The following FCHSD2 variants were observed in gnomAD, a reference collection of about 807,000 sequenced individuals.
The protein encoded by FCHSD2 is F-BAR and double SH3 domains protein 2.
Under a neutral mutation model 108.1 loss-of-function variants are expected in FCHSD2, and 38 were observed. The observed-to-expected ratio is 0.35, with a 90% CI of 0.27 to 0.46. The LOEUF (loss-of-function observed/expected upper bound fraction) is 0.46. Ranked by LOEUF, FCHSD2 falls within the 20% of genes least tolerant of loss-of-function variation. FCHSD2 has a pLI of 1.00. For synonymous variants in FCHSD2, 279 were observed against 314.7 expected, an observed-to-expected ratio of 0.89 and a Z score of 1.20; for missense variants, 751 against 897.8, an observed-to-expected ratio of 0.84 and a Z score of 2.09.
chr11:72,962,601 C>CTTT (rs10688506), intron 8 of FCHSD2, among the ~76,000 whole-genome samples: 3 of 147,956 alleles, frequency 2.0e-5, no homozygotes, highest in African/African-American at 7.4e-5. Context: ...TAAATTCCCC[C>CTTT]TTTTTTTTTT....
At chr11:73,009,010 T>C (rs1857802503) in intron 4 of FCHSD2, among the ~76,000 whole-genome samples, 1 of 149,440 alleles carries the variant, frequency 6.7e-6, no homozygotes, top group Non-Finnish European at 1.5e-5. Context: ...AGCATTTACA[T>C]AGAAAGGAAT....
intron 2 of FCHSD2, among the ~76,000 whole-genome samples, chr11:73,133,969 G>A (rs1489822205): frequency 6.6e-6 from 1 of 151,692 alleles, no homozygotes; most frequent in Non-Finnish European, 1.5e-5. Context: ...ATTTTAAATT[G>A]GCGTGACGAT....
At chr11:73,110,233 C>T (rs2135544742) in intron 2 of FCHSD2, among the ~76,000 whole-genome samples, 1 of 151,926 alleles carries the variant, frequency 6.6e-6, no homozygotes, top group Admixed American at 6.5e-5. Flanking sequence ...TTCCCTCCTC[C>T]TCTATTTTTC....
At chr11:73,108,071 G>A (rs949821197) in intron 2 of FCHSD2, among the ~76,000 whole-genome samples, 13 of 152,072 alleles carry the variant, frequency 8.5e-5, no homozygotes, top group South Asian at 2.1e-4. Context: ...CATCCTTGCC[G>A]GTGTTTGTTA....
chr11:72,858,833 A>AATCTTG (rs1220491572), intron 13 of FCHSD2, among the ~76,000 whole-genome samples: 2 of 152,232 alleles, frequency 1.3e-5, no homozygotes, highest in Non-Finnish European at 2.9e-5. Context: ...GGCAAGATGG[A>AATCTTG]GTATCAGGGA....
intron 9 of FCHSD2, among the ~76,000 whole-genome samples, chr11:72,910,255 G>A (rs979188106): frequency 1.1e-4 from 17 of 151,778 alleles, no homozygotes; most frequent in South Asian, 6.3e-4. Context: ...GCCTCTGCCC[G>A]GCCACCCCAT....
chr11:72,946,522 G>A (rs898994413), intron 8 of FCHSD2, among the ~76,000 whole-genome samples: 4 of 152,030 alleles, frequency 2.6e-5, no homozygotes, highest in African/African-American at 7.2e-5. Context: ...TTGTGCACAC[G>A]TACCCTAAAA....
At chr11:72,874,404 G>T (rs1387228384) in intron 12 of FCHSD2, among the ~76,000 whole-genome samples, 3 of 152,110 alleles carry the variant, frequency 2.0e-5, no homozygotes, top group Non-Finnish European at 2.9e-5. Flanking sequence ...TGCCTAGGCT[G>T]GTCTTGAACT....
chr11:73,131,582 T>C (rs1861003053), intron 2 of FCHSD2, among the ~76,000 whole-genome samples: 1 of 151,732 alleles, frequency 6.6e-6, no homozygotes, highest in South Asian at 2.1e-4. Flanking sequence ...CATACAGCTG[T>C]AATCCCAGCT....
At chr11:73,108,088 G>A (rs1176212538) in intron 2 of FCHSD2, among the ~76,000 whole-genome samples, 1 of 151,898 alleles carries the variant, frequency 6.6e-6, no homozygotes, top group Admixed American at 6.5e-5. Context: ...GTTACTGTCT[G>A]TCTTTTGGAT....
chr11:73,026,729 G>A (rs867940112), intron 3 of FCHSD2, among the ~76,000 whole-genome samples: 4 of 152,162 alleles, frequency 2.6e-5, no homozygotes, highest in Non-Finnish European at 4.4e-5. Context: ...ATCCCCATGT[G>A]TCAGAGGAGG....
chr11:73,087,704 CAA>C lies in FCHSD2; in HGVS notation c.120-3966_120-3965del, dbSNP rs534614813. ...TGGGCAACAGAGCGAGGCTTTGTCT[CAA>C]AAAAAAAAAAAAAATTTTTAAAATA... is the stretch of plus-strand genomic sequence containing the variant. On this transcript the variant is annotated intron_variant, in intron 2 of 19. Coordinates refer to ENST00000409418, the MANE Select transcript of FCHSD2 (RefSeq NM_014824.3). Among the ~76,000 whole-genome samples the C allele has an allele frequency of 2.2e-3, 255 of 114,108 alleles. 2 individuals are homozygous for C. Among genetic ancestry groups the C allele is most frequent in the Middle Eastern group, 0.017 (3 of 178 alleles). 74.9% of individuals were successfully genotyped at this position (114,108 alleles called of 152,430 possible). A position where few individuals can be genotyped will look rare whatever the true frequency, so the allele number is the denominator to read the frequency against.
At chr11:72,869,069 G>A (rs1046230750) in intron 12 of FCHSD2, among the ~76,000 whole-genome samples, 2 of 151,864 alleles carry the variant, frequency 1.3e-5, no homozygotes, top group Non-Finnish European at 2.9e-5. Flanking sequence ...ACCACACCCG[G>A]CTAATTTTTG....
intron 3 of FCHSD2, among the ~76,000 whole-genome samples, chr11:73,033,141 A>T (rs2135453560): frequency 6.6e-6 from 1 of 152,088 alleles, no homozygotes; most frequent in South Asian, 2.1e-4. Context: ...ATAAAAAATT[A>T]GCTGGGCATG....
chr11:72,977,964 T>C (rs185013639), intron 8 of FCHSD2, among the ~76,000 whole-genome samples: 9 of 152,166 alleles, frequency 5.9e-5, no homozygotes, highest in Non-Finnish European at 1.0e-4. Flanking sequence ...ATATACACCA[T>C]GGAATACTAT....
At chr11:73,020,796 T>C (rs1858083624) in intron 3 of FCHSD2, among the ~76,000 whole-genome samples, 1 of 151,916 alleles carries the variant, frequency 6.6e-6, no homozygotes. Context: ...AAACTAAAGG[T>C]ATCTTTTAGC....
intron 8 of FCHSD2, among the ~76,000 whole-genome samples, chr11:72,970,603 G>A (rs1443836944): frequency 6.6e-6 from 1 of 152,018 alleles, no homozygotes; most frequent in Non-Finnish European, 1.5e-5. Context: ...TGGAGCCACT[G>A]GTTTCTTCTG....
intron 9 of FCHSD2, among the ~76,000 whole-genome samples, chr11:72,915,967 C>T (rs1308086753): frequency 6.6e-6 from 1 of 152,066 alleles, no homozygotes; most frequent in Non-Finnish European, 1.5e-5. Flanking sequence ...AATGTAGGAA[C>T]AGAAAAGCAA....
At chr11:72,842,070 A>G (rs1860972724) in intron 17 of FCHSD2, among the ~76,000 whole-genome samples, 1 of 152,172 alleles carries the variant, frequency 6.6e-6, no homozygotes, top group South Asian at 2.1e-4. Flanking sequence ...GCCTGCAGTG[A>G]TAGATCCCTG....
Sources: gnomAD v4.1 joint callset for allele counts (sites outside exome capture counted in the v4.1 genomes callset) on GRCh38, gnomAD v4.1.1 for gene constraint, MANE v1.5 for transcripts, NCBI Gene and HGNC (gene_info 2026-07-23, HGNC 2026-07-21) for gene names.